The following SLC2A5 variants were observed in gnomAD, a reference collection of about 807,000 sequenced individuals.
The protein encoded by SLC2A5 is solute carrier family 2 member 5.
In SLC2A5, 56 loss-of-function variants were observed where a neutral mutation model predicts 50.3. That is an observed-to-expected ratio of 1.11 (90% CI 0.90 to 1.39). The LOEUF is 1.39. Among genes scored for constraint, SLC2A5 ranks in the 40% most tolerant of loss-of-function variants. SLC2A5 has a pLI of 0.00. For missense variants in SLC2A5, 566 were observed against 650.1 expected, an observed-to-expected ratio of 0.87 and a Z score of 1.41; for synonymous variants, 269 against 281.9, an observed-to-expected ratio of 0.95 and a Z score of 0.46.
intron 4 of SLC2A5, among the ~76,000 whole-genome samples, chr1:9,046,975 T>TTC (rs149740983): frequency 1.6e-3 from 240 of 148,534 alleles, no homozygotes; most frequent in South Asian, 7.3e-3. Context: ...GCAGTTTCCC[T>TTC]TCTCTCTCTC....
chr1:9,058,037 C>A (rs899039153), intron 2 of SLC2A5, 115 bp downstream of exon 2: 1 of 731,252 alleles, frequency 1.4e-6, no homozygotes, highest in African/African-American at 1.7e-5. Flanking sequence ...AGGGTGTTTC[C>A]CTCTCCCTTT....
intron 1 of SLC2A5, among the ~76,000 whole-genome samples, chr1:9,068,752 A>G (rs898445672): frequency 2.0e-5 from 3 of 152,288 alleles, no homozygotes; most frequent in African/African-American, 7.2e-5. Flanking sequence ...GCATGTTTCC[A>G]GTCTGCCTAT....
At chr1:9,069,383 C>G (rs891310974) in intron 1 of SLC2A5, 121 bp downstream of exon 1, 33 of 1,001,350 alleles carry the variant, frequency 3.3e-5, no homozygotes, top group Middle Eastern at 5.0e-4. Flanking sequence ...CCACCATAAT[C>G]CCTCCCAACA....
intron 4 of SLC2A5, among the ~76,000 whole-genome samples, chr1:9,047,213 C>T (rs867478430): frequency 1.2e-4 from 19 of 152,178 alleles, no homozygotes; most frequent in African/African-American, 4.3e-4. Flanking sequence ...CCTCCCGCCT[C>T]GGCTTCCAGA....
At chr1:9,047,001 T>C (rs886829802) in intron 4 of SLC2A5, among the ~76,000 whole-genome samples, 51 of 152,118 alleles carry the variant, frequency 3.4e-4, no homozygotes, top group African/African-American at 1.2e-3. Flanking sequence ...CTCTCTCGCC[T>C]GCTGCCATGT....
upstream of SLC2A5, among the ~76,000 whole-genome samples, chr1:9,074,030 A>C (rs1642254482): frequency 6.6e-6 from 1 of 152,078 alleles, no homozygotes; most frequent in African/African-American, 2.4e-5. Flanking sequence ...CAGTGGGCTG[A>C]GATCAAACCA....
rs759378670 is a variant in SLC2A5, at chr1:9,037,595, C to T, written c.1497G>A (p.Ser499=). 30 of 1,613,636 alleles carry T rather than the reference C, an allele frequency of 1.9e-5. No individual in the cohort carries two copies. Among genetic ancestry groups the T allele is most frequent in the South Asian group, 1.2e-4 (11 of 91,056 alleles). Residue 499 remains serine, a synonymous_variant, in exon 12 of 12, where the codon TCG becomes TCA. Coordinates refer to ENST00000377424, the MANE Select transcript of SLC2A5 (RefSeq NM_003039.3). ...GGCTTCCTCTCCAGAGTCACTGTTC[C>T]GAAGTGACAGGTGGAAGCTCTTTCA... ...EELKELPPVT[S]EQ is the part of the protein sequence containing the mutation.
rs1391865117 is a variant in SLC2A5 at position 9,040,054 on chromosome 1, C to T, written c.697+10G>A. On this transcript the variant is annotated intron_variant, in intron 6 of 11. Transcript: ENST00000377424. The surrounding 1 kb of genome is among the most constrained non-coding windows in gnomAD (Gnocchi z 4.3). ...AACCTGGAGGCCGCCCCCGCCAGAG[C>T]CCTCGTTACCTTTCTTGGCGGCCGC... The T allele has an allele frequency of 2.5e-6, 4 of 1,582,778 alleles. No individual in the cohort carries two copies. In the African/African-American group the frequency reaches 4.1e-5, roughly 16 times the overall value.
chr1:9,039,682 C>A lies in SLC2A5; in HGVS notation c.886-20G>T. The A allele has an allele frequency of 6.6e-7, 1 of 1,504,006 alleles. No homozygotes were observed. 93.2% of individuals were successfully genotyped at this position (1,504,006 alleles called of 1,614,324 possible). A position where few individuals can be genotyped will look rare whatever the true frequency, so the allele number is the denominator to read the frequency against. On this transcript the variant is annotated intron_variant, in intron 7 of 11. Transcript: ENST00000377424. ...GTAGATCTGCAAGGCAAGCGCGGGG[C>A]TGGGCGGCTGCCCGGAGGAGGCGGC...
intron 1 of SLC2A5, among the ~76,000 whole-genome samples, chr1:9,060,594 T>C (rs200222745): frequency 4.0e-4 from 16 of 39,734 alleles, no homozygotes; most frequent in Non-Finnish European, 6.5e-4. Flanking sequence ...CCCACACACA[T>C]AGGCAGAAAT....
At chr1:9,078,724 A>C (rs946903418) in intron 2 of SLC2A5, among the ~76,000 whole-genome samples, 182 of 152,352 alleles carry the variant, frequency 1.2e-3, no homozygotes, top group African/African-American at 4.3e-3. Context: ...TGGGTGAGGC[A>C]GCTATCAGGA....
At chr1:9,076,335 TC>T (rs1176349545) in intron 2 of SLC2A5, among the ~76,000 whole-genome samples, 1 of 152,052 alleles carries the variant, frequency 6.6e-6, no homozygotes, top group South Asian at 2.1e-4. Flanking sequence ...AAGCAGAAGT[TC>T]CCCCAGGCGA....
At position 9,084,155 on chromosome 1, in the gene SLC2A5, T is replaced by A. The variant is rs866925710; in HGVS notation, c.-59+859A>T. On this transcript the variant is annotated intron_variant, in intron 2 of 5. Coordinates refer to the SLC2A5 transcript ENST00000464985. Reference sequence around the variant, plus strand: ...AGACTCCGTCTCAAAAAAAAAAAAATAATAATAATACTAAACCCACATCCA... The same window carrying A: ...AGACTCCGTCTCAAAAAAAAAAAAAAAATAATAATACTAAACCCACATCCA... Among the ~76,000 whole-genome samples the A allele has an allele frequency of 6.6e-3, 1,001 of 150,948 alleles. 6 individuals carry two copies. The highest frequency in any genetic ancestry group is 0.022 in the African/African-American group (894 of 41,170).
chr1:9,074,209 G>A (rs1462866087), upstream of SLC2A5, among the ~76,000 whole-genome samples: 6 of 152,176 alleles, frequency 3.9e-5, no homozygotes, highest in Non-Finnish European at 5.9e-5. Context: ...CAATGAAAGA[G>A]CAAGGCTTAG....
At chr1:9,065,951 A>AG (rs944169753) in intron 1 of SLC2A5, among the ~76,000 whole-genome samples, 21 of 152,186 alleles carry the variant, frequency 1.4e-4, no homozygotes, top group Non-Finnish European at 2.2e-4. Context: ...CTCAAAAAAA[A>AG]AATTTTTTTT....
upstream of SLC2A5, among the ~76,000 whole-genome samples, chr1:9,088,861 G>T (rs1642433054): frequency 6.6e-6 from 1 of 152,162 alleles, no homozygotes. Context: ...TCTGGAAAGT[G>T]GTTGGGATTA....
At position 9,047,730 on chromosome 1, in the gene SLC2A5, C is replaced by G. The variant is rs752286590; in HGVS notation, c.298G>C (p.Gly100Arg). 15 of 1,613,350 alleles carry G rather than the reference C, an allele frequency of 9.3e-6. No homozygotes were observed. Among genetic ancestry groups the G allele is most frequent in the Non-Finnish European group, 1.2e-5 (14 of 1,179,720 alleles). Residue 100 changes from glycine (G) to arginine (R), a missense_variant, in exon 4 of 12, where the codon GGG (glycine) becomes CGG (arginine). Coordinates refer to ENST00000377424, the MANE Select transcript of SLC2A5 (RefSeq NM_003039.3). ...GPLVNKFGRK[G>R]ALLFNNIFSI... Reference sequence around the variant, plus strand: ...AATATGTTGTTGAACAGCAAGGCCCCTTTTCTGCAGAGGACAAAATATCAG... The same window carrying G: ...AATATGTTGTTGAACAGCAAGGCCCGTTTTCTGCAGAGGACAAAATATCAG...
upstream of SLC2A5, among the ~76,000 whole-genome samples, chr1:9,092,838 T>A (rs1200934720): frequency 1.3e-5 from 2 of 152,220 alleles, no homozygotes; most frequent in East Asian, 1.9e-4. Context: ...AACCTCAGTC[T>A]TCAGGAAAGG....
chr1:9,051,555 A>C (rs986983240), intron 3 of SLC2A5, among the ~76,000 whole-genome samples: 1 of 152,200 alleles, frequency 6.6e-6, no homozygotes, highest in African/African-American at 2.4e-5. Context: ...GGTGCACCAC[A>C]TGATGTGTTA....
Sources: gnomAD v4.1 joint callset for allele counts (sites outside exome capture counted in the v4.1 genomes callset) on GRCh38, gnomAD v4.1.1 for gene constraint, Gnocchi (gnomAD v3.1) non-coding constraint, MANE v1.5 for transcripts, NCBI Gene and HGNC (gene_info 2026-07-23, HGNC 2026-07-21) for gene names.